The following NTM variants were observed in gnomAD, a reference collection of about 807,000 sequenced individuals.
NTM encodes the protein IgLON family member 2.
In NTM, 13 loss-of-function variants were observed where a neutral mutation model predicts 42.1. That is an observed-to-expected ratio of 0.31 (90% CI 0.20 to 0.49). The LOEUF is 0.49. Ranked by LOEUF, NTM falls within the 20% of genes least tolerant of loss-of-function variation. The probability of loss-of-function intolerance (pLI) is 0.99; values close to 1 mark genes in which losing one functional copy is unlikely to be tolerated. For synonymous variants in NTM, 187 were observed against 179.2 expected (o/e 1.04, Z -0.35); for missense variants, 373 against 452.8 (o/e 0.82, Z 1.60).
intron 1 of NTM, among the ~76,000 whole-genome samples, chr11:131,744,133 T>G (rs541466589): frequency 8.5e-5 from 13 of 152,292 alleles, no homozygotes; most frequent in Admixed American, 6.5e-5. Flanking sequence ...TTTCCTGATT[T>G]CCCCATCTGT....
At chr11:131,429,789 T>G (rs1459374435) in intron 1 of NTM, among the ~76,000 whole-genome samples, 9 of 152,200 alleles carry the variant, frequency 5.9e-5, no homozygotes, top group Non-Finnish European at 1.3e-4. Context: ...TCAGTAGGAT[T>G]TATAATGCAA....
chr11:131,913,652 T>A (rs997501286), intron 2 of NTM, among the ~76,000 whole-genome samples: 2 of 152,222 alleles, frequency 1.3e-5, no homozygotes, highest in African/African-American at 2.4e-5. Flanking sequence ...CACTAATGTT[T>A]GTTTGCATTT....
chr11:132,320,608 C>T (rs1260894937), intron 7 of NTM, among the ~76,000 whole-genome samples: 14 of 152,290 alleles, frequency 9.2e-5, no homozygotes, highest in South Asian at 2.1e-4. Flanking sequence ...GAGGGGTGCC[C>T]GCCATTGCCC....
intron 1 of NTM, among the ~76,000 whole-genome samples, chr11:131,752,603 A>G (rs1021927850): frequency 3.3e-5 from 5 of 152,308 alleles, no homozygotes; most frequent in Non-Finnish European, 7.3e-5. Context: ...TGTTTATTGC[A>G]GCACTATTCA....
intron 1 of NTM, among the ~76,000 whole-genome samples, chr11:131,699,909 G>GGTGTGTGTGTGTGTGT (rs10577927): frequency 2.3e-5 from 3 of 130,458 alleles, no homozygotes; most frequent in South Asian, 2.8e-4. Flanking sequence ...CAAAGCAGCA[G>GGTGTGTGTGTGTGTGT]GTGTGTGTGT....
At chr11:131,433,988 C>T (rs975529223) in intron 1 of NTM, among the ~76,000 whole-genome samples, 6 of 152,150 alleles carry the variant, frequency 3.9e-5, no homozygotes, top group Admixed American at 6.5e-5. Flanking sequence ...GTAGGTTCCC[C>T]GCCCTGTTTC....
intron 1 of NTM, among the ~76,000 whole-genome samples, chr11:131,518,940 C>T (rs1326095539): frequency 1.3e-5 from 2 of 152,186 alleles, no homozygotes; most frequent in African/African-American, 4.8e-5. Flanking sequence ...TACAGCATCC[C>T]ACAAATGTCC....
intron 2 of NTM, among the ~76,000 whole-genome samples, chr11:132,051,206 C>G (rs11222889): frequency 0.12 from 18,300 of 152,120 alleles, 1,153 homozygotes; most frequent in Middle Eastern, 0.21. Context: ...TAACATATGA[C>G]GATGATTTTT....
chr11:131,650,540 G>C (rs1490889333), intron 1 of NTM, among the ~76,000 whole-genome samples: 2 of 152,160 alleles, frequency 1.3e-5, no homozygotes, highest in African/African-American at 4.8e-5. Flanking sequence ...ATGAAAAACA[G>C]TAAAAATAAC....
At chr11:132,095,634 G>A (rs1011800023) in intron 2 of NTM, among the ~76,000 whole-genome samples, 1 of 152,186 alleles carries the variant, frequency 6.6e-6, no homozygotes, top group Non-Finnish European at 1.5e-5. Flanking sequence ...TAGTCGGCAT[G>A]CATGTCCAAA....
intron 1 of NTM, among the ~76,000 whole-genome samples, chr11:131,507,555 C>T (rs143931125): frequency 0.12 from 18,577 of 151,596 alleles, 1,352 homozygotes; most frequent in East Asian, 0.26. Context: ...TTTTTGGTTC[C>T]GTATGAACTT....
Position 131,689,073 on chromosome 11 carries a change from TTG to T in NTM, c.83-222489_83-222488del, listed in dbSNP as rs1277197613. 3.1e-3 allele frequency among the ~76,000 whole-genome samples: 474 copies of T among 152,344 alleles called. 2 individuals carry two copies. The highest frequency in any genetic ancestry group is 0.011 in the African/African-American group (455 of 41,576). On this transcript the variant is annotated intron_variant, in intron 1 of 8. Coordinates refer to ENST00000683400, the MANE Select transcript of NTM (RefSeq NM_001352005.2). The stretch of plus-strand genomic sequence containing the variant: ...CGAGAGCTACCAATAAATTGGATGT[TTG>T]TTAAGGAAAATCCCCGCAGCCCCCG...
At chr11:131,905,671 A>G (rs1245316516) in intron 1 of NTM, among the ~76,000 whole-genome samples, 1 of 151,564 alleles carries the variant, frequency 6.6e-6, no homozygotes, top group Non-Finnish European at 1.5e-5. Flanking sequence ...TGTATCCACT[A>G]TTTCATAAAA....
rs557080192 is a variant in NTM at position 131,702,643 on chromosome 11, T to C, written c.83-208921T>C. ...CCATCTCTCTAATAGGAAGATTAAA[T>C]ACTATTGAGATACCATGCTTTCCCA... On this transcript the variant is annotated intron_variant, in intron 1 of 8. Coordinates refer to ENST00000683400, the MANE Select transcript of NTM (RefSeq NM_001352005.2). 6.6e-4 allele frequency among the ~76,000 whole-genome samples: 100 copies of C among 152,308 alleles called. 4 individuals carry two copies. The South Asian group carries it at 0.02, about 31-fold the overall frequency.
chr11:131,846,035 A>T (rs148062688), intron 1 of NTM, among the ~76,000 whole-genome samples: 19 of 152,242 alleles, frequency 1.2e-4, no homozygotes, highest in African/African-American at 3.9e-4. Context: ...GTGTCTAATT[A>T]TGGTTGTTAA....
chr11:132,143,051 C>T (rs2069529086), intron 2 of NTM, among the ~76,000 whole-genome samples: 1 of 152,160 alleles, frequency 6.6e-6, no homozygotes, highest in Admixed American at 6.5e-5. Flanking sequence ...TGTCAGATTT[C>T]AGCTGCTGGG....
chr11:132,279,880 T>A (rs529059248), intron 4 of NTM, among the ~76,000 whole-genome samples: 1 of 152,220 alleles, frequency 6.6e-6, no homozygotes, highest in African/African-American at 2.4e-5. Flanking sequence ...GAACTCTCTG[T>A]GGGCTGTCCA....
chr11:131,411,539 C>T (rs1361335175), intron 1 of NTM, among the ~76,000 whole-genome samples: 1 of 82,048 alleles, frequency 1.2e-5, no homozygotes, highest in Non-Finnish European at 2.5e-5. Flanking sequence ...TTAGGGGGGG[C>T]CGTGTGTGTG....
In NTM at chr11:131,483,971, T is replaced by C. The variant is rs369753199; in HGVS notation, c.82+113083T>C. Among the ~76,000 whole-genome samples, 7 of 152,332 alleles carry C rather than the reference T, an allele frequency of 4.6e-5. No individual in the cohort carries two copies. In the East Asian group the frequency reaches 7.7e-4, roughly 17 times the overall value. ...ATGCAGTGACTATCATTTTTTTGTG[T>C]GTGAACATCTCACTGGCTGAACACA... On this transcript the variant is annotated intron_variant, in intron 1 of 8. Transcript: ENST00000683400.
Sources: gnomAD v4.1 joint callset for allele counts (sites outside exome capture counted in the v4.1 genomes callset) on GRCh38, gnomAD v4.1.1 for gene constraint, MANE v1.5 for transcripts, NCBI Gene and HGNC (gene_info 2026-07-23, HGNC 2026-07-21) for gene names.